SLC9A9: variants seen among roughly 807,000 people sequenced by gnomAD.
SLC9A9 encodes the protein sodium/hydrogen exchanger 9.
Under a neutral mutation model 77.8 loss-of-function variants are expected in SLC9A9, and 62 were observed. The observed-to-expected ratio is 0.80, with a 90% CI of 0.65 to 0.98. The LOEUF is 0.98. Ranked by LOEUF, SLC9A9 falls within the 50% of genes least tolerant of loss-of-function variation. The pLI is 0.00. For missense variants in SLC9A9, 775 were observed against 774.9 expected (o/e 1.00, Z 0.00); for synonymous variants, 320 against 283.5 (o/e 1.13, Z -1.29).
intron 9 of SLC9A9, among the ~76,000 whole-genome samples, chr3:143,547,911 T>C (rs930941396): frequency 6.6e-6 from 1 of 152,234 alleles, no homozygotes; most frequent in African/African-American, 2.4e-5. Flanking sequence ...AATTCTTTTT[T>C]TGTTCACTGT....
At chr3:143,270,952 AAAT>A (rs1211469449) in intron 14 of SLC9A9, among the ~76,000 whole-genome samples, 2 of 152,344 alleles carry the variant, frequency 1.3e-5, no homozygotes, top group African/African-American at 4.8e-5. Flanking sequence ...GAAAATCCAG[AAAT>A]AATTCACAAG....
intron 11 of SLC9A9, among the ~76,000 whole-genome samples, chr3:143,469,425 G>A (rs2035339619): frequency 1.3e-5 from 2 of 152,254 alleles, no homozygotes; most frequent in South Asian, 4.1e-4. Context: ...GGTTATTTTT[G>A]TTGAAAGGTT....
chr3:143,495,306 C>T, intron 10 of SLC9A9, 29 bp downstream of exon 10: 3 of 1,518,430 alleles, frequency 2.0e-6, no homozygotes, highest in Non-Finnish European at 2.7e-6. Context: ...CTTCTCTAAT[C>T]ACCCCATGTT....
intron 2 of SLC9A9, among the ~76,000 whole-genome samples, chr3:143,823,593 G>A (rs2009225267): frequency 6.6e-6 from 1 of 151,788 alleles, no homozygotes; most frequent in Non-Finnish European, 1.5e-5. Flanking sequence ...TTGCATGCCT[G>A]TATCAAAACA....
At chr3:143,506,102 T>C (rs1272367621) in intron 9 of SLC9A9, among the ~76,000 whole-genome samples, 1 of 152,216 alleles carries the variant, frequency 6.6e-6, no homozygotes. Context: ...ACAGAGTACT[T>C]ATCATGATAC....
chr3:143,373,065 A>C (rs2033092565), intron 13 of SLC9A9, among the ~76,000 whole-genome samples: 1 of 112,940 alleles, frequency 8.9e-6, no homozygotes, highest in African/African-American at 3.4e-5. Flanking sequence ...TAAAGAACCA[A>C]AAGTAGATTT....
chr3:143,777,098 A>G (rs1004880329), intron 4 of SLC9A9, among the ~76,000 whole-genome samples: 1 of 152,166 alleles, frequency 6.6e-6, no homozygotes, highest in Non-Finnish European at 1.5e-5. Flanking sequence ...CTCTGACCCC[A>G]TTCTCTCTCA....
intron 12 of SLC9A9, among the ~76,000 whole-genome samples, chr3:143,395,635 C>A (rs185099061): frequency 6.6e-6 from 1 of 152,082 alleles, no homozygotes; most frequent in Non-Finnish European, 1.5e-5. Context: ...GCACAGCAAA[C>A]GAAATTACCA....
At chr3:143,370,559 ATG>A (rs570634013) in intron 13 of SLC9A9, among the ~76,000 whole-genome samples, 29,052 of 115,068 alleles carry the variant, frequency 0.25, 3,105 homozygotes, top group Middle Eastern at 0.3. Flanking sequence ...AAGTATATGC[ATG>A]TGCGCGCACA....
chr3:143,589,554 G>A (rs2037613585), intron 6 of SLC9A9, among the ~76,000 whole-genome samples: 1 of 152,088 alleles, frequency 6.6e-6, no homozygotes. Flanking sequence ...AGAAGATATA[G>A]GTTATACCAT....
intron 4 of SLC9A9, among the ~76,000 whole-genome samples, chr3:143,765,679 C>T (rs1241894779): frequency 6.6e-6 from 1 of 152,148 alleles, no homozygotes; most frequent in Non-Finnish European, 1.5e-5. Context: ...GGGCCCTGTA[C>T]AGTCAAATTC....
intron 9 of SLC9A9, among the ~76,000 whole-genome samples, chr3:143,544,432 T>A (rs2036748371): frequency 6.6e-6 from 1 of 152,116 alleles, no homozygotes; most frequent in African/African-American, 2.4e-5. Flanking sequence ...TTTCACTGTG[T>A]TAGCCAGGAT....
At chr3:143,412,809 T>A (rs536324573) in intron 12 of SLC9A9, among the ~76,000 whole-genome samples, 1 of 152,346 alleles carries the variant, frequency 6.6e-6, no homozygotes, top group East Asian at 1.9e-4. Context: ...TGAAGGCAGG[T>A]TCCAGGTCTG....
intron 14 of SLC9A9, among the ~76,000 whole-genome samples, chr3:143,274,047 G>C (rs932402209): frequency 1.3e-5 from 2 of 152,176 alleles, no homozygotes; most frequent in Non-Finnish European, 2.9e-5. Flanking sequence ...TAAGGGCTGG[G>C]ATAGATACTT....
chr3:143,434,099 A>G (rs1242042826), intron 12 of SLC9A9, among the ~76,000 whole-genome samples: 1 of 152,166 alleles, frequency 6.6e-6, no homozygotes, highest in Admixed American at 6.5e-5. Flanking sequence ...GCACTGTATA[A>G]TAATACCCCC....
intron 5 of SLC9A9, among the ~76,000 whole-genome samples, chr3:143,664,316 A>T (rs2039027814): frequency 1.3e-5 from 2 of 151,940 alleles, no homozygotes; most frequent in East Asian, 3.9e-4. Context: ...GCCTTGCAAA[A>T]CTCCTAAAGG....
Position 143,311,740 on chromosome 3 carries a change from G to A in SLC9A9, c.1605-42760C>T, listed in dbSNP as rs144735052. Reference sequence around the variant, plus strand: ...CACATCTAATTATGGTGACAAGGGCGGGGAGAAGAACTATGTTCTGAATGT... The same window carrying A: ...CACATCTAATTATGGTGACAAGGGCAGGGAGAAGAACTATGTTCTGAATGT... On this transcript the variant is annotated intron_variant, in intron 14 of 15. Transcript: ENST00000316549. Among the ~76,000 whole-genome samples the A allele has an allele frequency of 4.8e-3, 731 of 152,232 alleles. 4 individuals are homozygous for A. Among genetic ancestry groups the A allele is most frequent in the African/African-American group, 0.016 (675 of 41,542 alleles).
At chr3:143,530,487 T>G (rs2036488308) in intron 9 of SLC9A9, among the ~76,000 whole-genome samples, 1 of 152,138 alleles carries the variant, frequency 6.6e-6, no homozygotes, top group Non-Finnish European at 1.5e-5. Context: ...GAGCTGTGAG[T>G]CCATTAAACC....
intron 4 of SLC9A9, among the ~76,000 whole-genome samples, chr3:143,717,080 ATGGCAGAACC>A (rs200566627): frequency 0.01 from 1,590 of 152,358 alleles, 27 homozygotes; most frequent in African/African-American, 0.035. Flanking sequence ...TGGGTATGCC[ATGGCAGAACC>A]CCTTCTGGGA....
Sources: gnomAD v4.1 joint callset for allele counts (sites outside exome capture counted in the v4.1 genomes callset) on GRCh38, gnomAD v4.1.1 for gene constraint, MANE v1.5 for transcripts, NCBI Gene and HGNC (gene_info 2026-07-23, HGNC 2026-07-21) for gene names.